Variants in CYP11A1 observed in about 807,000 individuals in gnomAD.
The protein encoded by CYP11A1 is cholesterol side-chain cleavage enzyme, mitochondrial.
Under a neutral mutation model 51.9 loss-of-function variants are expected in CYP11A1, and 25 were observed. That is an observed-to-expected ratio of 0.48 (90% CI 0.35 to 0.67). CYP11A1 has a LOEUF of 0.67. CYP11A1 is among the 30% of genes least tolerant of loss of function. The pLI, the probability that CYP11A1 is intolerant of heterozygous loss-of-function variation, is 0.00. For missense variants in CYP11A1, 578 were observed against 680.9 expected (o/e 0.85, Z 1.68); for synonymous variants, 245 against 262.1 (o/e 0.93, Z 0.63).
At chr15:74,350,184 T>G in intron 1 of CYP11A1, 1 of 346,180 alleles carries the variant, frequency 2.9e-6, no homozygotes, top group Non-Finnish European at 5.9e-6. Context: ...ACTTAAATGT[T>G]AAATCAATTG....
intron 1 of CYP11A1, chr15:74,366,958 C>T (rs1329027630): frequency 3.1e-5 from 9 of 288,524 alleles, no homozygotes; most frequent in South Asian, 3.0e-4. Context: ...TCAAGTGATC[C>T]GCCCACCTCG....
chr15:74,338,260 A>C, intron 8 of CYP11A1, 157 bp from the exon 9 acceptor site: 1 of 857,444 alleles, frequency 1.2e-6, no homozygotes, highest in Non-Finnish European at 1.9e-6. Context: ...AGTGCCTGAT[A>C]ATGCACCCTT....
At chr15:74,355,895 G>C (rs558989635) in intron 1 of CYP11A1, among the ~76,000 whole-genome samples, 17 of 152,328 alleles carry the variant, frequency 1.1e-4, no homozygotes, top group Middle Eastern at 3.4e-3. Flanking sequence ...CCTAGACCCT[G>C]AAGGGTCAGA....
At chr15:74,364,921 C>T (rs962302124) in intron 1 of CYP11A1, among the ~76,000 whole-genome samples, 1 of 152,068 alleles carries the variant, frequency 6.6e-6, no homozygotes, top group Non-Finnish European at 1.5e-5. Context: ...AGCTCCCTGC[C>T]ACCAACCAGC....
At chr15:74,355,341 A>G (rs1310085617) in intron 1 of CYP11A1, among the ~76,000 whole-genome samples, 1 of 152,142 alleles carries the variant, frequency 6.6e-6, no homozygotes, top group Non-Finnish European at 1.5e-5. Context: ...TCCATCCTAC[A>G]AGATCTAGAT....
At chr15:74,344,901 C>T (rs1462570648) in intron 3 of CYP11A1, 143 bp downstream of exon 3, 4 of 818,322 alleles carry the variant, frequency 4.9e-6, no homozygotes, top group Non-Finnish European at 8.3e-6. Flanking sequence ...GAGTAGCAGG[C>T]AGTGGAGGAC....
chr15:74,337,893 AGAC>A lies in CYP11A1; in HGVS notation c.*76_*78del. 1.9e-6 allele frequency: 3 copies of A among 1,591,774 alleles called. No individual in the cohort carries two copies. The Admixed American group carries it at 5.1e-5, about 27-fold the overall frequency. ...GGCAGAAAGGAGCAGGACTTGGGAC[AGAC>A]GACTGAAGATGCAGAGACCCCATGG... On this transcript the variant is annotated 3_prime_UTR_variant, in exon 9 of 9. Transcript: ENST00000268053.
intron 1 of CYP11A1, among the ~76,000 whole-genome samples, chr15:74,352,351 C>G (rs1279022936): frequency 6.8e-6 from 1 of 146,432 alleles, no homozygotes; most frequent in Non-Finnish European, 1.5e-5. Context: ...CTCACTGCAA[C>G]CTCCGCCTTC....
chr15:74,344,917 C>T, intron 3 of CYP11A1, 127 bp downstream of exon 3: 1 of 907,976 alleles, frequency 1.1e-6, no homozygotes, highest in Non-Finnish European at 1.8e-6. Flanking sequence ...AGGACATGAT[C>T]AGCGGCTCAT....
chr15:74,361,320 A>G (rs184073212), intron 1 of CYP11A1: 11 of 220,290 alleles, frequency 5.0e-5, no homozygotes, highest in Admixed American at 4.2e-4. Context: ...GTCTAAGTAT[A>G]TGTTACCAAT....
intron 1 of CYP11A1, chr15:74,363,361 A>G (rs1352005841): frequency 1.3e-5 from 2 of 152,188 alleles, no homozygotes; most frequent in Non-Finnish European, 2.9e-5. Context: ...TGGCCTCCCA[A>G]GTAGCTGGGA....
intron 1 of CYP11A1, 61 bp downstream of exon 1, chr15:74,367,256 A>T: frequency 4.4e-6 from 7 of 1,600,158 alleles, no homozygotes; most frequent in Non-Finnish European, 6.0e-6. Flanking sequence ...GGACTACAGC[A>T]GGGCTACCCA....
chr15:74,352,602 T>C (rs1357542185), intron 1 of CYP11A1, among the ~76,000 whole-genome samples: 1 of 152,198 alleles, frequency 6.6e-6, no homozygotes, highest in African/African-American at 2.4e-5. Flanking sequence ...TGGGAGCTGC[T>C]TGGGGCGAGC....
At chr15:74,343,372 CAT>C (rs1206845334) in intron 4 of CYP11A1, among the ~76,000 whole-genome samples, 1 of 152,052 alleles carries the variant, frequency 6.6e-6, no homozygotes, top group African/African-American at 2.4e-5. Flanking sequence ...GGTGCAGAGA[CAT>C]AGTCACTTGC....
rs947952360 is a variant in CYP11A1 at position 74,367,490 on chromosome 15, C to T, written c.96G>A (p.Val32=). The T allele has an allele frequency of 2.5e-6, 4 of 1,614,184 alleles. No homozygotes were observed. In the South Asian group the frequency reaches 4.4e-5, roughly 18 times the overall value. Residue 32 remains valine (V), a synonymous_variant, in exon 1 of 9, where the codon GTG becomes GTA. Transcript: ENST00000268053. Reference sequence around the variant, plus strand: ...AGATGCCAGCTCCCTCGCCAGTGGGCACCCTGAGACGCCCCAGCCCCTCCC... The same window carrying T: ...AGATGCCAGCTCCCTCGCCAGTGGGTACCCTGAGACGCCCCAGCCCCTCCC... ...APREGLGRLR[V]PTGEGAGIST... is the part of the protein sequence containing the mutation.
chr15:74,360,851 C>T (rs1364953387), intron 1 of CYP11A1, among the ~76,000 whole-genome samples: 3 of 151,968 alleles, frequency 2.0e-5, no homozygotes, highest in Non-Finnish European at 2.9e-5. Flanking sequence ...TGAAGTGAGC[C>T]GAGATCATGC....
At chr15:74,338,382 A>G in intron 8 of CYP11A1, 189 bp downstream of exon 8, 7 of 734,796 alleles carry the variant, frequency 9.5e-6, no homozygotes, top group Non-Finnish European at 1.7e-5. Context: ...TCAGTGGGTG[A>G]TGAGTGGTTG....
chr15:74,351,649 G>A (rs566372266), intron 1 of CYP11A1, among the ~76,000 whole-genome samples: 1 of 152,342 alleles, frequency 6.6e-6, no homozygotes, highest in African/African-American at 2.4e-5. Context: ...CTCCAAAGAG[G>A]ATGCTCTTGG....
intron 5 of CYP11A1, among the ~76,000 whole-genome samples, chr15:74,342,417 T>A (rs2060611246): frequency 6.6e-6 from 1 of 152,088 alleles, no homozygotes; most frequent in Non-Finnish European, 1.5e-5. Context: ...AGAAAGAAGT[T>A]TCTAGGGTGC....
Sources: gnomAD v4.1 joint callset for allele counts (sites outside exome capture counted in the v4.1 genomes callset) on GRCh38, gnomAD v4.1.1 for gene constraint, MANE v1.5 for transcripts, NCBI Gene and HGNC (gene_info 2026-07-23, HGNC 2026-07-21) for gene names.